The following RAD51D variants were observed in gnomAD, a reference collection of about 807,000 sequenced individuals.
RAD51D encodes the protein RAD51 paralog D, also known as DNA repair protein RAD51 homolog 4.
RAD51D carries 38 observed loss-of-function variants against 44.1 expected under a neutral mutation model. The observed-to-expected ratio is 0.86, with a 90% CI of 0.67 to 1.13. The LOEUF (loss-of-function observed/expected upper bound fraction) is 1.13, where lower values mean the gene tolerates loss of function less well. Ranked by LOEUF, RAD51D falls within the 50% of genes most tolerant of loss-of-function variation. The pLI is 0.00. For missense variants in RAD51D, 390 were observed against 414.0 expected (o/e 0.94, Z 0.50); for synonymous variants, 141 against 166.6 (o/e 0.85, Z 1.18).
rs545137563 is a variant in RAD51D at position 35,118,408 on chromosome 17, C to A, written c.263+93G>T. On this transcript the variant is annotated intron_variant, in intron 3 of 9. Coordinates refer to ENST00000345365, the MANE Select transcript of RAD51D (RefSeq NM_002878.4). Reference sequence around the variant, plus strand: ...CATCCATTATTGGTTAAAAAAAAAACCCCTCCCGTCTAGACTCAAGCATCA... The same window carrying A: ...CATCCATTATTGGTTAAAAAAAAAAACCCTCCCGTCTAGACTCAAGCATCA... 5.9e-5 allele frequency: 61 copies of A among 1,030,016 alleles called. 1 individual carries two copies. The highest frequency in any genetic ancestry group is 2.3e-4 in the Admixed American group (12 of 52,990). 63.8% of individuals were successfully genotyped at this position (1,030,016 alleles called of 1,614,324 possible). A position where few individuals can be genotyped will look rare whatever the true frequency, so the allele number is the denominator to read the frequency against.
chr17:35,096,690 G>A lies in RAD51D; in HGVS notation c.*4263C>T, dbSNP rs889877366. ...AGCCTGGGCAACGTACAGAGACCCCGTCTCTACAAAAAATACAAAACTTAG... is the reference window on the plus strand; with the variant it reads ...AGCCTGGGCAACGTACAGAGACCCCATCTCTACAAAAAATACAAAACTTAG... On this transcript the variant is annotated 3_prime_UTR_variant, in exon 10 of 10. Transcript: ENST00000345365. 1 of 152,018 alleles carries A rather than the reference G, an allele frequency of 6.6e-6. No individual in the cohort carries two copies. Among genetic ancestry groups the A allele is most frequent in the Non-Finnish European group, 1.5e-5 (1 of 68,050 alleles). 9.4% of individuals were successfully genotyped at this position (152,018 alleles called of 1,614,324 possible). A position where few individuals can be genotyped will look rare whatever the true frequency, so the allele number is the denominator to read the frequency against.
At position 35,116,874 on chromosome 17, in the gene RAD51D, G is replaced by A. The variant is rs188981311; in HGVS notation, c.263+1627C>T. 1.3e-4 allele frequency: 207 copies of A among 1,558,464 alleles called. No homozygotes were observed. Among genetic ancestry groups the A allele is most frequent in the Non-Finnish European group, 1.7e-4 (191 of 1,147,112 alleles). On this transcript the variant is annotated intron_variant, in intron 3 of 9. Transcript: ENST00000345365. Reference sequence around the variant, plus strand: ...AATAATGTACCGTGAAGTGCTGACCGCAGTGCCTCGTTCATCGAAAGCATT... The same window carrying A: ...AATAATGTACCGTGAAGTGCTGACCACAGTGCCTCGTTCATCGAAAGCATT...
At position 35,093,100 on chromosome 17, in the gene RAD51D, C is replaced by T. The variant is rs1275542621; in HGVS notation, c.*7853G>A. On this transcript the variant is annotated 3_prime_UTR_variant, in exon 10 of 10. Transcript: ENST00000345365. The stretch of plus-strand genomic sequence containing the variant: ...GCCTGCCTGGACAGAAGAAAGCTGT[C>T]ATCAGTATCCCCCATGCATCATAAG... 6.6e-6 allele frequency: 1 copy of T among 152,198 alleles called. No individual in the cohort carries two copies. The highest frequency in any genetic ancestry group is 6.5e-5 in the Admixed American group (1 of 15,276). The allele number at this position is 152,198 out of a possible 1,614,324, so 9.4% of individuals were successfully genotyped here. A position where few individuals can be genotyped will look rare whatever the true frequency, so the allele number is the denominator to read the frequency against.
At chr17:35,108,407 C>A (rs60142504) in intron 3 of RAD51D, among the ~76,000 whole-genome samples, 1 of 147,894 alleles carries the variant, frequency 6.8e-6, no homozygotes, top group Non-Finnish European at 1.5e-5. Flanking sequence ...GGCCTGTAGT[C>A]TCAGTTACTT....
intron 6 of RAD51D, among the ~76,000 whole-genome samples, chr17:35,104,043 A>T (rs1460407948): frequency 6.6e-6 from 1 of 152,220 alleles, no homozygotes; most frequent in African/African-American, 2.4e-5. Flanking sequence ...ACACCGCTGC[A>T]TTCCAGCCTG....
chr17:35,106,545 G>A, intron 5 of RAD51D, 64 bp from the exon 6 acceptor site: 1 of 1,273,028 alleles, frequency 7.9e-7, no homozygotes, highest in South Asian at 1.3e-5. Flanking sequence ...TCAAGGTAAG[G>A]CTGAGAAGGA....
At chr17:35,111,778 C>T (rs1047077154) in intron 3 of RAD51D, among the ~76,000 whole-genome samples, 1 of 151,782 alleles carries the variant, frequency 6.6e-6, no homozygotes, top group African/African-American at 2.4e-5. Flanking sequence ...CTGGTCTTCC[C>T]GTAATTATTA....
At position 35,101,259 on chromosome 17, in the gene RAD51D, T is replaced by G. The variant is rs1402747063; in HGVS notation, c.845A>C (p.Glu282Ala). ...PSTRILLDTI[E>A]GAGASGGRRM... ...CCGGCCGCCTGATGCTCCTGCTCCCTCGATGGTGTCCAGGAGAATCCGAGT... is the reference window on the plus strand; with the variant it reads ...CCGGCCGCCTGATGCTCCTGCTCCCGCGATGGTGTCCAGGAGAATCCGAGT... Residue 282 changes from glutamate to alanine, a missense_variant, in exon 9 of 10, where the codon GAG becomes GCG. Coordinates refer to ENST00000345365, the MANE Select transcript of RAD51D (RefSeq NM_002878.4). 6.2e-7 allele frequency: 1 copy of G among 1,614,128 alleles called. No homozygotes were observed. The highest frequency in any genetic ancestry group is 8.5e-7 in the Non-Finnish European group (1 of 1,180,014).
Position 35,100,480 on chromosome 17 carries a change from C to T in RAD51D, c.*473G>A. On this transcript the variant is annotated 3_prime_UTR_variant, in exon 10 of 10. Transcript: ENST00000345365. ...TCCACCCAGTAACTCAGAGACAGAG[C>T]TAAGGAAGAGTGGGCCCCCATCTAA... 1.9e-6 allele frequency: 1 copy of T among 535,462 alleles called. No homozygotes were observed. The highest frequency in any genetic ancestry group is 3.6e-6 in the Non-Finnish European group (1 of 277,260). 33.2% of individuals were successfully genotyped at this position (535,462 alleles called of 1,614,324 possible). A position where few individuals can be genotyped will look rare whatever the true frequency, so the allele number is the denominator to read the frequency against.
At chr17:35,116,951 A>G in intron 3 of RAD51D, 3 of 1,613,714 alleles carry the variant, frequency 1.9e-6, no homozygotes, top group Non-Finnish European at 1.7e-6. Flanking sequence ...TCTTCAGAGC[A>G]TTCCTGACCC....
rs559620204 is a variant in RAD51D at position 35,116,062 on chromosome 17, C to T, written c.263+2439G>A. Among the ~76,000 whole-genome samples, 185 of 113,690 alleles carry T rather than the reference C, an allele frequency of 1.6e-3. 4 individuals are homozygous for T. Among genetic ancestry groups the T allele is most frequent in the Admixed American group, 0.015 (142 of 9,772 alleles). 74.6% of individuals were successfully genotyped at this position (113,690 alleles called of 152,430 possible). On this transcript the variant is annotated intron_variant, in intron 3 of 9. Coordinates refer to ENST00000345365, the MANE Select transcript of RAD51D (RefSeq NM_002878.4). ...TTGATTCTTCACAATACATTCCAAA[C>T]TCCGACAAAAAAAAAAAAGAAAGAA...
At chr17:35,112,230 G>T (rs2091686511) in intron 3 of RAD51D, among the ~76,000 whole-genome samples, 1 of 152,008 alleles carries the variant, frequency 6.6e-6, no homozygotes, top group African/African-American at 2.4e-5. Context: ...GGCACACACT[G>T]CCACGCCCAG....
intron 3 of RAD51D, chr17:35,115,251 T>C (rs1279607990): frequency 5.8e-6 from 3 of 517,846 alleles, no homozygotes; most frequent in Non-Finnish European, 7.7e-6. Flanking sequence ...ATTCTTTCAG[T>C]CATCCATTCA....
rs1366319522 is a variant in RAD51D at position 35,093,497 on chromosome 17, G to C, written c.*7456C>G. 1 of 152,266 alleles carries C rather than the reference G, an allele frequency of 6.6e-6. No individual in the cohort carries two copies. Among genetic ancestry groups the C allele is most frequent in the Non-Finnish European group, 1.5e-5 (1 of 68,080 alleles). The allele number at this position is 152,266 out of a possible 1,614,324, so 9.4% of individuals were successfully genotyped here. A position where few individuals can be genotyped will look rare whatever the true frequency, so the allele number is the denominator to read the frequency against. ...TCAAAAAGTCAAATGTGCAGCAGCTGAAGTGCAGCCGTACAGCTCCAGGGC... is the reference window on the plus strand; with the variant it reads ...TCAAAAAGTCAAATGTGCAGCAGCTCAAGTGCAGCCGTACAGCTCCAGGGC... On this transcript the variant is annotated 3_prime_UTR_variant, in exon 10 of 10. Coordinates refer to ENST00000345365, the MANE Select transcript of RAD51D (RefSeq NM_002878.4).
In RAD51D at chr17:35,093,181, T is replaced by C. The variant is rs1351986791; in HGVS notation, c.*7772A>G. 1 of 152,154 alleles carries C rather than the reference T, an allele frequency of 6.6e-6. No individual in the cohort carries two copies. The highest frequency in any genetic ancestry group is 2.4e-5 in the African/African-American group (1 of 41,420). 9.4% of individuals were successfully genotyped at this position (152,154 alleles called of 1,614,324 possible). A position where few individuals can be genotyped will look rare whatever the true frequency, so the allele number is the denominator to read the frequency against. On this transcript the variant is annotated 3_prime_UTR_variant, in exon 10 of 10. Coordinates refer to ENST00000345365, the MANE Select transcript of RAD51D (RefSeq NM_002878.4). Reference sequence around the variant, plus strand: ...ATCATGCCTGGAAAACTATTCAGTGTTTTACATAAGTTACATGATCCTAAA... The same window carrying C: ...ATCATGCCTGGAAAACTATTCAGTGCTTTACATAAGTTACATGATCCTAAA...
chr17:35,097,167 T>C lies in RAD51D; in HGVS notation c.*3786A>G, dbSNP rs2091491422. 6.6e-6 allele frequency: 1 copy of C among 152,194 alleles called. No homozygotes were observed. Among genetic ancestry groups the C allele is most frequent in the African/African-American group, 2.4e-5 (1 of 41,428 alleles). The allele number at this position is 152,194 out of a possible 1,614,324, so 9.4% of individuals were successfully genotyped here. On this transcript the variant is annotated 3_prime_UTR_variant, in exon 10 of 10. Coordinates refer to ENST00000345365, the MANE Select transcript of RAD51D (RefSeq NM_002878.4). Reference sequence around the variant, plus strand: ...TGGAGTCTCACTCTGTTGCCCAGGCTAGAGTACAGTGGCACAATCTCGGCT... The same window carrying C: ...TGGAGTCTCACTCTGTTGCCCAGGCCAGAGTACAGTGGCACAATCTCGGCT...
At chr17:35,115,896 A>AAAGGAAGG (rs201705308) in intron 3 of RAD51D, among the ~76,000 whole-genome samples, 8,375 of 84,772 alleles carry the variant, frequency 0.099, 801 homozygotes, top group East Asian at 0.15. Context: ...GGAAAGAAGG[A>AAAGGAAGG]AAGGAAGGAA....
In RAD51D at chr17:35,106,393, G is replaced by C; in HGVS notation, c.569C>G (p.Ala190Gly). 6.2e-7 allele frequency: 1 copy of C among 1,612,942 alleles called. No individual in the cohort carries two copies. The highest frequency in any genetic ancestry group is 8.5e-7 in the Non-Finnish European group (1 of 1,179,434). The stretch of plus-strand genomic sequence containing the variant: ...GCAGAACAGCAGGCTCACCTGCTGG[G>C]CCACAGTGCCTCGGAGCTCCTGCAG... Reference protein sequence around the residue: ...DVLQELRGTVAQQVTGSSGTV... With the variant: ...DVLQELRGTVGQQVTGSSGTV... The change falls in exon 6 of 10, where the codon GCC (alanine) becomes GGC (glycine). Residue 190 changes from alanine (A) to glycine (G), a missense_variant. Physicochemically the swap from Ala to Gly is moderately conservative, Grantham distance 60. Transcript: ENST00000345365.
chr17:35,109,277 G>A (rs187400537), intron 3 of RAD51D, among the ~76,000 whole-genome samples: 31 of 152,348 alleles, frequency 2.0e-4, no homozygotes, highest in African/African-American at 6.7e-4. Flanking sequence ...TGGTATGGAT[G>A]TACCACAGTT....
Sources: allele counts gnomAD v4.1 joint callset (sites outside exome capture counted in the v4.1 genomes callset), GRCh38; gene constraint gnomAD v4.1.1; transcripts MANE v1.5; gene names NCBI Gene and HGNC (gene_info 2026-07-23, HGNC 2026-07-21).